Variants in PARN observed in about 807,000 individuals in gnomAD.
PARN encodes the protein poly(A)-specific ribonuclease PARN.
In PARN, 71 loss-of-function variants were observed where a neutral mutation model predicts 102.8. The ratio of observed to expected loss-of-function variants is 0.69; its 90% CI spans 0.57 to 0.84. The LOEUF (loss-of-function observed/expected upper bound fraction) is 0.84. Among genes scored for constraint, PARN ranks in the 40% least tolerant of loss-of-function variants. The pLI is 0.00. For synonymous variants in PARN, 261 were observed against 252.9 expected (o/e 1.03, Z -0.30); for missense variants, 782 against 760.9 (o/e 1.03, Z -0.33).
intron 22 of PARN, among the ~76,000 whole-genome samples, chr16:14,474,917 C>T (rs903266585): frequency 3.9e-5 from 6 of 152,244 alleles, no homozygotes; most frequent in African/African-American, 1.4e-4. Context: ...TCCTAAAGGG[C>T]TTTTTCCTCA....
intron 21 of PARN, among the ~76,000 whole-genome samples, chr16:14,521,220 G>C (rs1411468120): frequency 6.6e-6 from 1 of 152,118 alleles, no homozygotes; most frequent in Non-Finnish European, 1.5e-5. Flanking sequence ...TAGAGTACTT[G>C]ACAGACAACA....
intron 6 of PARN, among the ~76,000 whole-genome samples, chr16:14,617,028 G>T (rs538347836): frequency 6.7e-6 from 1 of 149,100 alleles, no homozygotes; most frequent in Non-Finnish European, 1.5e-5. Context: ...AAATGAAGTA[G>T]TATCTATTCT....
intron 20 of PARN, among the ~76,000 whole-genome samples, chr16:14,553,222 A>G (rs1336129291): frequency 6.8e-6 from 1 of 147,674 alleles, no homozygotes; most frequent in African/African-American, 2.5e-5. Flanking sequence ...GTTCGAGGCC[A>G]GCCTGGGCTA....
chr16:14,511,841 T>C (rs983088186), intron 21 of PARN, among the ~76,000 whole-genome samples: 1 of 152,262 alleles, frequency 6.6e-6, no homozygotes, highest in South Asian at 2.1e-4. Flanking sequence ...GCTGGGACTA[T>C]GGGTGTGTGC....
At chr16:14,516,283 T>C (rs1567339208) in intron 21 of PARN, among the ~76,000 whole-genome samples, 1 of 152,056 alleles carries the variant, frequency 6.6e-6, no homozygotes. Flanking sequence ...GAAGTTTTCA[T>C]AGACAAAAAC....
At chr16:14,468,942 A>G (rs1446860100) in intron 22 of PARN, among the ~76,000 whole-genome samples, 1 of 151,728 alleles carries the variant, frequency 6.6e-6, no homozygotes, top group Non-Finnish European at 1.5e-5. Context: ...AATAAAGATA[A>G]AACATTTGAA....
chr16:14,449,444 A>T (rs937132248), intron 22 of PARN, among the ~76,000 whole-genome samples: 1 of 152,230 alleles, frequency 6.6e-6, no homozygotes, highest in Non-Finnish European at 1.5e-5. Context: ...TCCAAAATCC[A>T]GGTGTAGAAA....
intron 5 of PARN, among the ~76,000 whole-genome samples, chr16:14,624,947 G>A (rs1317651961): frequency 1.3e-5 from 2 of 152,106 alleles, no homozygotes; most frequent in African/African-American, 4.8e-5. Context: ...CTACTCAGGA[G>A]GCTGACGCAG....
chr16:14,629,137 G>A (rs547693720), intron 2 of PARN, among the ~76,000 whole-genome samples: 9 of 152,316 alleles, frequency 5.9e-5, no homozygotes, highest in African/African-American at 2.2e-4. Context: ...AGGAGAAATG[G>A]GGAGTTTAAT....
chr16:14,525,770 A>G (rs1322891433), intron 21 of PARN, among the ~76,000 whole-genome samples: 1 of 152,214 alleles, frequency 6.6e-6, no homozygotes, highest in African/African-American at 2.4e-5. Flanking sequence ...CACAGAGGTG[A>G]AAAGAAAGAT....
intron 5 of PARN, among the ~76,000 whole-genome samples, 179 bp from the exon 6 acceptor site, chr16:14,617,829 T>C (rs981529075): frequency 6.6e-6 from 1 of 152,164 alleles, no homozygotes; most frequent in Non-Finnish European, 1.5e-5. Flanking sequence ...CTTAAAACAT[T>C]TGGGCTCTTC....
At chr16:14,583,071 T>C (rs914618483) in intron 16 of PARN, among the ~76,000 whole-genome samples, 2 of 152,200 alleles carry the variant, frequency 1.3e-5, no homozygotes, top group African/African-American at 4.8e-5. Flanking sequence ...GAACTTGCTA[T>C]AATGCTGGCC....
At chr16:14,571,632 T>C (rs1411833388) in intron 18 of PARN, among the ~76,000 whole-genome samples, 2 of 152,256 alleles carry the variant, frequency 1.3e-5, no homozygotes, top group African/African-American at 4.8e-5. Context: ...CCCCCACATC[T>C]AGTCAGAGAA....
In PARN at chr16:14,610,710, G is replaced by A. The variant is rs754431809; in HGVS notation, c.488C>T (p.Ser163Phe). Residue 163 changes from serine (S) to phenylalanine (F), a missense_variant, in exon 7 of 24, where the codon TCT (serine) becomes TTT (phenylalanine). Physicochemically the swap from Ser to Phe is radical, Grantham distance 155 (BLOSUM62 -2). Transcript: ENST00000437198. ...ANGAGALSYV[S>F]PNTSKCPVTI... The stretch of plus-strand genomic sequence containing the variant: ...GACAGGACATTTTGAAGTGTTAGGA[G>A]ATACATAGGACAGAGCTCCTGCACC... 1.2e-6 allele frequency: 2 copies of A among 1,607,728 alleles called. No homozygotes were observed. The highest frequency in any genetic ancestry group is 2.2e-5 in the South Asian group (2 of 90,976).
chr16:14,598,309 T>C (rs1970651573), intron 12 of PARN, among the ~76,000 whole-genome samples: 1 of 152,134 alleles, frequency 6.6e-6, no homozygotes, highest in African/African-American at 2.4e-5. Flanking sequence ...CAGCAACATG[T>C]TATGAATATT....
Position 14,555,671 on chromosome 16 carries a change from T to C in PARN, c.1301A>G (p.Asn434Ser). 1 of 1,477,742 alleles carries C rather than the reference T, an allele frequency of 6.8e-7. No homozygotes were observed. The highest frequency in any genetic ancestry group is 9.2e-7 in the Non-Finnish European group (1 of 1,086,232). 91.5% of individuals were successfully genotyped at this position (1,477,742 alleles called of 1,614,324 possible). Reference sequence around the variant, plus strand: ...TTACTTACAGTCTGGTCCTTCCAAGTTTAGATAGGGGATATCCATGACCCT... The same window carrying C: ...TTACTTACAGTCTGGTCCTTCCAAGCTTAGATAGGGGATATCCATGACCCT... Reference protein sequence around the residue: ...LMRVMDIPYLNLEGPDLQPKR... With the variant: ...LMRVMDIPYLSLEGPDLQPKR... Residue 434 changes from asparagine to serine, a missense_variant, in exon 19 of 24, where the codon AAC becomes AGC. Physicochemically the swap from Asn to Ser is conservative, Grantham distance 46. Coordinates refer to ENST00000437198, the MANE Select transcript of PARN (RefSeq NM_002582.4).
chr16:14,600,756 C>T (rs1212619905), intron 11 of PARN, among the ~76,000 whole-genome samples: 1 of 152,034 alleles, frequency 6.6e-6, no homozygotes, highest in Non-Finnish European at 1.5e-5. Context: ...CATGGTGAAA[C>T]CCTGTCTCTA....
intron 21 of PARN, among the ~76,000 whole-genome samples, chr16:14,535,107 TC>T (rs1966555788): frequency 6.6e-6 from 1 of 152,206 alleles, no homozygotes; most frequent in Admixed American, 6.5e-5. Flanking sequence ...GTGCTGGGAT[TC>T]CAGGCGTGAG....
intron 14 of PARN, among the ~76,000 whole-genome samples, chr16:14,585,651 C>T (rs1387338710): frequency 6.6e-6 from 1 of 152,166 alleles, no homozygotes; most frequent in African/African-American, 2.4e-5. Context: ...GCCAGATGGA[C>T]AGTTCTTGAC....
Sources: allele counts gnomAD v4.1 joint callset (sites outside exome capture counted in the v4.1 genomes callset), GRCh38; gene constraint gnomAD v4.1.1; transcripts MANE v1.5; gene names NCBI Gene and HGNC (gene_info 2026-07-23, HGNC 2026-07-21).